The following ENOX1 variants were observed in gnomAD, a reference collection of about 807,000 sequenced individuals.
ENOX1 encodes candidate growth-related and time keeping constitutive hydroquinone (NADH) oxidase.
ENOX1 carries 42 observed loss-of-function variants against 82.5 expected under a neutral mutation model. That is an observed-to-expected ratio of 0.51 (90% CI 0.40 to 0.66). The LOEUF is 0.66. ENOX1 is among the 30% of genes least tolerant of loss of function. ENOX1 has a pLI of 0.00. For synonymous variants in ENOX1, 271 were observed against 282.2 expected, an observed-to-expected ratio of 0.96 and a Z score of 0.40; for missense variants, 608 against 811.6, an observed-to-expected ratio of 0.75 and a Z score of 3.05.
At chr13:43,627,762 T>C (rs1369188482) in intron 2 of ENOX1, among the ~76,000 whole-genome samples, 1 of 152,076 alleles carries the variant, frequency 6.6e-6, no homozygotes, top group Non-Finnish European at 1.5e-5. Context: ...TCTTTTCTAT[T>C]TAGAGAACTT....
intron 1 of ENOX1, among the ~76,000 whole-genome samples, chr13:43,742,467 G>C (rs111774421): frequency 2.8e-4 from 42 of 152,148 alleles, no homozygotes; most frequent in African/African-American, 9.6e-4. Flanking sequence ...GAGTGTGTTA[G>C]TTCACCCTTC....
chr13:43,274,049 C>A (rs1048592354), intron 12 of ENOX1, among the ~76,000 whole-genome samples: 2 of 152,010 alleles, frequency 1.3e-5, no homozygotes, highest in East Asian at 3.9e-4. Flanking sequence ...CAAAAACAAC[C>A]CCCCAAAACA....
At chr13:43,429,898 T>C (rs1342608958) in intron 3 of ENOX1, among the ~76,000 whole-genome samples, 1 of 152,244 alleles carries the variant, frequency 6.6e-6, no homozygotes, top group African/African-American at 2.4e-5. Flanking sequence ...ATACAATTAC[T>C]GCACACTTAT....
At chr13:43,359,740 C>T in intron 7 of ENOX1, 111 bp downstream of exon 7, 1 of 1,038,484 alleles carries the variant, frequency 9.6e-7, no homozygotes, top group Non-Finnish European at 1.4e-6. Flanking sequence ...CCTTTTCCAG[C>T]CCCAAACTAT....
intron 1 of ENOX1, among the ~76,000 whole-genome samples, chr13:43,726,753 T>TGA (rs1555370112): frequency 0.13 from 17,913 of 140,652 alleles, 1,284 homozygotes; most frequent in East Asian, 0.29. Context: ...TGTGTGTGTG[T>TGA]GAGAGAGAGA....
intron 8 of ENOX1, among the ~76,000 whole-genome samples, chr13:43,354,104 C>T (rs2049986127): frequency 1.3e-5 from 2 of 151,270 alleles, no homozygotes; most frequent in African/African-American, 4.9e-5. Flanking sequence ...CTGTGTAGAT[C>T]ATAATCTGAT....
intron 2 of ENOX1, among the ~76,000 whole-genome samples, chr13:43,666,728 G>A (rs2084998588): frequency 6.6e-6 from 1 of 152,042 alleles, no homozygotes; most frequent in Admixed American, 6.6e-5. Flanking sequence ...ATACAGACTG[G>A]GTCACAAAAT....
At chr13:43,551,779 A>G (rs2079205718) in intron 2 of ENOX1, among the ~76,000 whole-genome samples, 1 of 152,190 alleles carries the variant, frequency 6.6e-6, no homozygotes, top group South Asian at 2.1e-4. Flanking sequence ...CCAGTGCAGG[A>G]GAGGATGGGC....
intron 2 of ENOX1, among the ~76,000 whole-genome samples, chr13:43,548,967 C>T (rs1434517022): frequency 6.6e-6 from 1 of 152,194 alleles, no homozygotes; most frequent in African/African-American, 2.4e-5. Flanking sequence ...AAAAAACCCT[C>T]TTCCTAGAGT....
At position 43,269,460 on chromosome 13, in the gene ENOX1, A is replaced by G. The variant is rs368974351; in HGVS notation, c.1554+10T>C. On this transcript the variant is annotated intron_variant, in intron 13 of 16. Coordinates refer to ENST00000690772, the MANE Select transcript of ENOX1 (RefSeq NM_001347969.2). Reference sequence around the variant, plus strand: ...CTGATTCATAAATCAGAGCTGTTTCATTCACTTACTTGTTCCTGCAGGACT... The same window carrying G: ...CTGATTCATAAATCAGAGCTGTTTCGTTCACTTACTTGTTCCTGCAGGACT... The G allele has an allele frequency of 2.4e-5, 39 of 1,606,234 alleles. No homozygotes were observed. Among genetic ancestry groups the G allele is most frequent in the Admixed American group, 1.0e-4 (6 of 59,986 alleles).
chr13:43,303,366 A>T (rs2046689722), intron 11 of ENOX1, among the ~76,000 whole-genome samples: 1 of 152,188 alleles, frequency 6.6e-6, no homozygotes, highest in African/African-American at 2.4e-5. Flanking sequence ...CTGCATTCTG[A>T]ATCTTCTTGT....
At chr13:43,499,874 C>G (rs1045056781) in intron 2 of ENOX1, among the ~76,000 whole-genome samples, 1 of 151,852 alleles carries the variant, frequency 6.6e-6, no homozygotes, top group Non-Finnish European at 1.5e-5. Context: ...ATTAGAAGTT[C>G]AACAAAGAGA....
chr13:43,361,614 A>G (rs1216617485), intron 5 of ENOX1, among the ~76,000 whole-genome samples, 162 bp from the exon 6 acceptor site: 3 of 152,238 alleles, frequency 2.0e-5, no homozygotes, highest in Admixed American at 2.0e-4. Flanking sequence ...AGAAGGGTAA[A>G]GAGAAAAAAA....
intron 11 of ENOX1, among the ~76,000 whole-genome samples, chr13:43,308,394 C>G (rs929713592): frequency 6.6e-6 from 1 of 152,160 alleles, no homozygotes; most frequent in Non-Finnish European, 1.5e-5. Flanking sequence ...ATTACTTTAC[C>G]TCACCTCAAC....
chr13:43,375,329 G>T (rs1391585301), intron 5 of ENOX1, among the ~76,000 whole-genome samples: 1 of 152,126 alleles, frequency 6.6e-6, no homozygotes, highest in African/African-American at 2.4e-5. Context: ...GCAATCCATG[G>T]TTCTCAGCAG....
chr13:43,579,239 T>C (rs1292206754), intron 2 of ENOX1, among the ~76,000 whole-genome samples: 1 of 152,162 alleles, frequency 6.6e-6, no homozygotes, highest in Non-Finnish European at 1.5e-5. Context: ...AAATGTGGGA[T>C]TTTCTATCCT....
At chr13:43,479,419 AC>A (rs899922379) in intron 3 of ENOX1, among the ~76,000 whole-genome samples, 6 of 152,030 alleles carry the variant, frequency 3.9e-5, no homozygotes, top group African/African-American at 1.4e-4. Flanking sequence ...CTGACCGGCC[AC>A]CTTTGTGGCA....
In ENOX1 at chr13:43,780,059, A is replaced by G. The variant is rs1054095611; in HGVS notation, c.-285+6593T>C. Among the ~76,000 whole-genome samples the G allele has an allele frequency of 5.3e-5, 8 of 151,770 alleles. No homozygotes were observed. The South Asian group carries it at 1.7e-3, about 32-fold the overall frequency. ...ACCTGTAGTCCCAGCTACTCGGGAGACTGAGGCAGGAGAATGGCGTGAACC... is the reference window on the plus strand; with the variant it reads ...ACCTGTAGTCCCAGCTACTCGGGAGGCTGAGGCAGGAGAATGGCGTGAACC... On this transcript the variant is annotated intron_variant, in intron 1 of 16. Coordinates refer to ENST00000690772, the MANE Select transcript of ENOX1 (RefSeq NM_001347969.2).
rs755894688 is a variant in ENOX1, at chr13:43,435,810, T to C, written c.-74-22822A>G. 5.3e-5 allele frequency among the ~76,000 whole-genome samples: 8 copies of C among 151,844 alleles called. No individual in the cohort carries two copies. The South Asian group carries it at 1.7e-3, about 32-fold the overall frequency. ...TAACTAGATGTTGAAACAAATAATA[T>C]TAAAGAAAAATATTTATTGTAGAAG... On this transcript the variant is annotated intron_variant, in intron 3 of 16. Coordinates refer to ENST00000690772, the MANE Select transcript of ENOX1 (RefSeq NM_001347969.2).
Sources: gnomAD v4.1 joint callset for allele counts (sites outside exome capture counted in the v4.1 genomes callset) on GRCh38, gnomAD v4.1.1 for gene constraint, MANE v1.5 for transcripts, NCBI Gene and HGNC (gene_info 2026-07-23, HGNC 2026-07-21) for gene names.